CREB5: variants seen among roughly 807,000 people sequenced by gnomAD.
CREB5 encodes the protein cAMP responsive element binding protein 5.
A neutral mutation model predicts 57.1 loss-of-function variants in CREB5; 19 were observed. The ratio of observed to expected loss-of-function variants is 0.33; its 90% CI spans 0.23 to 0.49. The LOEUF (loss-of-function observed/expected upper bound fraction) is 0.49. CREB5 is among the 20% of genes least tolerant of loss of function. The pLI is 0.99. For synonymous variants in CREB5, 238 were observed against 238.3 expected (o/e 1.00, Z 0.01); for missense variants, 579 against 671.6 (o/e 0.86, Z 1.52).
intron 5 of CREB5, among the ~76,000 whole-genome samples, chr7:28,713,998 G>A (rs187948227): frequency 5.9e-5 from 9 of 152,124 alleles, no homozygotes; most frequent in African/African-American, 1.9e-4. Context: ...GAGTCTCACT[G>A]TGATGCCCAG....
rs1796955286 is a variant in CREB5, at chr7:28,602,435, A to G, written c.464+31898A>G. Among the ~76,000 whole-genome samples, 2 of 152,200 alleles carry G rather than the reference A, an allele frequency of 1.3e-5. 1 individual carries two copies. The highest frequency in any genetic ancestry group is 4.1e-4 in the South Asian group (2 of 4,834). ...TATTTTAAAATAAAGGTGTTTGCAA[A>G]TGTCCTTCAGTGGGTGAATGGTTAA... is the stretch of plus-strand genomic sequence containing the variant. On this transcript the variant is annotated intron_variant, in intron 5 of 10. Transcript: ENST00000357727.
At chr7:28,771,121 C>T (rs1806299255) in intron 7 of CREB5, among the ~76,000 whole-genome samples, 1 of 152,036 alleles carries the variant, frequency 6.6e-6, no homozygotes, top group Admixed American at 6.5e-5. Flanking sequence ...AGAGTTTTGC[C>T]ACTAATTAGT....
intron 1 of CREB5, among the ~76,000 whole-genome samples, chr7:28,373,424 CTTTTTCTTTTTTTCT>C (rs1786754613): frequency 1.4e-5 from 2 of 142,638 alleles, no homozygotes; most frequent in South Asian, 4.5e-4. Flanking sequence ...TAATTTTCTT[CTTTTTCTTTTTTTCT>C]TTTTTCTTTT....
intron 5 of CREB5, among the ~76,000 whole-genome samples, chr7:28,680,495 C>T (rs773852592): frequency 6.6e-6 from 1 of 152,168 alleles, no homozygotes; most frequent in Non-Finnish European, 1.5e-5. Flanking sequence ...CTATGGCTCA[C>T]ACCTGTAATC....
chr7:28,560,982 GTGCGTGTGTGTGCC>G (rs1795228171), intron 4 of CREB5, among the ~76,000 whole-genome samples: 1 of 85,702 alleles, frequency 1.2e-5, no homozygotes, highest in Non-Finnish European at 2.7e-5. Context: ...GCGTGTGTGC[GTGCGTGTGTGTGCC>G]TGCGTGTGCG....
chr7:28,796,156 A>G (rs1808030381), intron 7 of CREB5, among the ~76,000 whole-genome samples: 1 of 152,088 alleles, frequency 6.6e-6, no homozygotes, highest in African/African-American at 2.4e-5. Flanking sequence ...CATTATCTCA[A>G]AAGGAAACCC....
chr7:28,434,137 G>C (rs954558998), intron 1 of CREB5, among the ~76,000 whole-genome samples: 5 of 152,008 alleles, frequency 3.3e-5, no homozygotes, highest in Non-Finnish European at 7.4e-5. Flanking sequence ...AGGGCTTGGG[G>C]GCTCAGGAAT....
At chr7:28,599,574 C>T (rs1404817413) in intron 5 of CREB5, among the ~76,000 whole-genome samples, 1 of 152,142 alleles carries the variant, frequency 6.6e-6, no homozygotes, top group Non-Finnish European at 1.5e-5. Context: ...TGCCCCATTT[C>T]ACAGCATAGC....
intron 1 of CREB5, among the ~76,000 whole-genome samples, chr7:28,347,541 C>T (rs1480204501): frequency 6.6e-6 from 1 of 152,142 alleles, no homozygotes; most frequent in African/African-American, 2.4e-5. Flanking sequence ...CAATATTTTG[C>T]TCATCTTGGC....
At chr7:28,436,978 C>G (rs1020723012) in intron 1 of CREB5, among the ~76,000 whole-genome samples, 5 of 152,036 alleles carry the variant, frequency 3.3e-5, no homozygotes, top group African/African-American at 1.2e-4. Context: ...CTCTACTTTC[C>G]CCAGGTTTCA....
intron 4 of CREB5, among the ~76,000 whole-genome samples, chr7:28,553,130 ACT>A (rs1428253712): frequency 6.6e-6 from 1 of 152,190 alleles, no homozygotes; most frequent in Non-Finnish European, 1.5e-5. Flanking sequence ...ACTTCATCCT[ACT>A]TCTATGCAGC....
chr7:28,430,489 C>T (rs777864950), intron 1 of CREB5, among the ~76,000 whole-genome samples: 1 of 152,162 alleles, frequency 6.6e-6, no homozygotes, highest in Non-Finnish European at 1.5e-5. Flanking sequence ...AATGTGAAAA[C>T]ACCACTTGGA....
At chr7:28,630,352 T>G (rs1458375346) in intron 5 of CREB5, among the ~76,000 whole-genome samples, 4 of 152,186 alleles carry the variant, frequency 2.6e-5, no homozygotes, top group Admixed American at 2.6e-4. Flanking sequence ...ACTGCTCACT[T>G]CCAATGCCAG....
At chr7:28,709,625 G>A (rs1802301352) in intron 5 of CREB5, among the ~76,000 whole-genome samples, 1 of 151,676 alleles carries the variant, frequency 6.6e-6, no homozygotes, top group African/African-American at 2.4e-5. Context: ...GCAGGATGCA[G>A]ATCTGTTAGC....
At position 28,433,632 on chromosome 7, in the gene CREB5, C is replaced by G. The variant is rs189378457; in HGVS notation, c.3+20715C>G. Among the ~76,000 whole-genome samples, 106 of 152,218 alleles carry G rather than the reference C, an allele frequency of 7.0e-4. 1 individual carries two copies. The East Asian group carries it at 0.017, about 24-fold the overall frequency. On this transcript the variant is annotated intron_variant, in intron 1 of 10. Transcript: ENST00000357727. ...GATTACAGGCATGTGCCGCCACACC[C>G]GCCCAAAATTTACATCTTTTTATTC...
At chr7:28,696,970 T>G in intron 5 of CREB5, among the ~76,000 whole-genome samples, 1 of 151,914 alleles carries the variant, frequency 6.6e-6, no homozygotes, top group Non-Finnish European at 1.5e-5. Context: ...CACACATATA[T>G]ATATTTGTGT....
chr7:28,449,970 G>A (rs1789710639), intron 1 of CREB5, among the ~76,000 whole-genome samples: 1 of 152,048 alleles, frequency 6.6e-6, no homozygotes, highest in Non-Finnish European at 1.5e-5. Flanking sequence ...AGAATTTAAG[G>A]GTCTAGTCTG....
intron 5 of CREB5, among the ~76,000 whole-genome samples, chr7:28,657,306 G>T (rs1312570165): frequency 2.0e-5 from 3 of 152,158 alleles, no homozygotes; most frequent in African/African-American, 4.8e-5. Flanking sequence ...GGAATTCAGG[G>T]ACCAAGCCAG....
intron 9 of CREB5, 24 bp downstream of exon 9, chr7:28,809,438 C>G (rs763541104): frequency 7.0e-6 from 11 of 1,574,522 alleles, no homozygotes. Flanking sequence ...TGTCTTTCCC[C>G]GCGACTCAAA....
Sources: gnomAD v4.1 joint callset for allele counts (sites outside exome capture counted in the v4.1 genomes callset) on GRCh38, gnomAD v4.1.1 for gene constraint, MANE v1.5 for transcripts, NCBI Gene and HGNC (gene_info 2026-07-23, HGNC 2026-07-21) for gene names.